DLGAP2: variants seen among roughly 807,000 people sequenced by gnomAD.
The protein encoded by DLGAP2 is disks large-associated protein 2.
DLGAP2 carries 26 observed loss-of-function variants against 100.3 expected under a neutral mutation model. That is an observed-to-expected ratio of 0.26 (90% CI 0.19 to 0.36). DLGAP2 has a LOEUF of 0.36. Among genes scored for constraint, DLGAP2 ranks in the 10% least tolerant of loss-of-function variants. The pLI, the probability that DLGAP2 is intolerant of heterozygous loss-of-function variation, is 1.00. For synonymous variants in DLGAP2, 886 were observed against 630.1 expected, an observed-to-expected ratio of 1.41 and a Z score of -6.08; for missense variants, 1,858 against 1,453.2, an observed-to-expected ratio of 1.28 and a Z score of -4.53.
chr8:1,565,976 G>C, intron 6 of DLGAP2, 82 bp downstream of exon 6: 2 of 1,214,228 alleles, frequency 1.6e-6, no homozygotes, highest in Non-Finnish European at 2.3e-6. Flanking sequence ...TTCACCGTGA[G>C]CTGAGTGCCA....
intron 2 of DLGAP2, among the ~76,000 whole-genome samples, chr8:1,179,967 G>A (rs1022678357): frequency 2.0e-5 from 3 of 152,184 alleles, no homozygotes; most frequent in African/African-American, 7.2e-5. Flanking sequence ...GCTTGTTTGA[G>A]TAAATGCAAT....
At chr8:1,427,762 T>C (rs1797277244) in intron 3 of DLGAP2, among the ~76,000 whole-genome samples, 3 of 152,208 alleles carry the variant, frequency 2.0e-5, no homozygotes, top group African/African-American at 7.2e-5. Flanking sequence ...CCCACCATGA[T>C]TGTGAGGCCT....
chr8:1,453,241 G>A (rs938745559), intron 3 of DLGAP2, among the ~76,000 whole-genome samples: 3 of 152,126 alleles, frequency 2.0e-5, no homozygotes, highest in Non-Finnish European at 4.4e-5. Flanking sequence ...ACGGAGACGG[G>A]AATGGGCCGT....
chr8:1,143,995 G>C (rs993054123), intron 2 of DLGAP2, among the ~76,000 whole-genome samples: 1 of 152,208 alleles, frequency 6.6e-6, no homozygotes, highest in African/African-American at 2.4e-5. Flanking sequence ...GGAATACCTG[G>C]AGTTAAGACC....
intron 1 of DLGAP2, among the ~76,000 whole-genome samples, chr8:747,241 T>TA (rs1465319631): frequency 2.0e-5 from 3 of 152,086 alleles, no homozygotes; most frequent in Non-Finnish European, 4.4e-5. Flanking sequence ...TTCTGAGTCT[T>TA]ACGGGACTTC....
chr8:1,181,484 G>C (rs1179233210), intron 2 of DLGAP2, among the ~76,000 whole-genome samples: 1 of 152,044 alleles, frequency 6.6e-6, no homozygotes, highest in Admixed American at 6.6e-5. Context: ...TCTAAGTGGA[G>C]CTGAATGAGG....
At chr8:1,517,871 A>AAGACAG (rs1337708707) in intron 4 of DLGAP2, among the ~76,000 whole-genome samples, 2 of 152,210 alleles carry the variant, frequency 1.3e-5, no homozygotes, top group Non-Finnish European at 2.9e-5. Flanking sequence ...GTCATGGAAT[A>AAGACAG]AGACAGAGAC....
At chr8:1,222,546 T>G (rs1034886156) in intron 2 of DLGAP2, among the ~76,000 whole-genome samples, 11 of 151,814 alleles carry the variant, frequency 7.2e-5, no homozygotes, top group African/African-American at 2.7e-4. Context: ...GGTAAGTACG[T>G]AAGTGCACAT....
Position 924,305 on chromosome 8 carries a change from C to T in DLGAP2, c.73+16339C>T, listed in dbSNP as rs547011256. On this transcript the variant is annotated intron_variant, in intron 2 of 14. Transcript: ENST00000637795. ...AGACAGTGAGGCCATCTCTGTCCTC[C>T]GGCTCACGTTTTTGGAGGCGAGAGG... is the stretch of plus-strand genomic sequence containing the variant. Among the ~76,000 whole-genome samples the T allele has an allele frequency of 9.9e-5, 15 of 152,276 alleles. No homozygotes were observed. In the South Asian group the frequency reaches 2.5e-3, roughly 25 times the overall value.
chr8:1,411,403 C>T (rs1225198435), intron 3 of DLGAP2, among the ~76,000 whole-genome samples: 2 of 152,218 alleles, frequency 1.3e-5, no homozygotes, highest in African/African-American at 2.4e-5. Flanking sequence ...CATAAAAGCA[C>T]GAAGGACTTG....
intron 3 of DLGAP2, among the ~76,000 whole-genome samples, chr8:1,307,076 A>G (rs1800508075): frequency 6.6e-6 from 1 of 152,212 alleles, no homozygotes. Flanking sequence ...ATTAAGGGAC[A>G]CTTTCAGCTG....
intron 1 of DLGAP2, among the ~76,000 whole-genome samples, chr8:772,960 C>A (rs559350503): frequency 6.6e-6 from 1 of 152,296 alleles, no homozygotes; most frequent in African/African-American, 2.4e-5. Flanking sequence ...TCAGCACACA[C>A]ACTCCATGCA....
rs144155510 is a variant in DLGAP2, at chr8:1,360,385, G to A, written c.106+101502G>A. ...GGTGCAGCTAGAGGCTTTGCGCTGC[G>A]TCTGTCTGAGCCTGTGTTGGAGTAG... On this transcript the variant is annotated intron_variant, in intron 3 of 14. Coordinates refer to ENST00000637795, the MANE Select transcript of DLGAP2 (RefSeq NM_001346810.2). 6.4e-4 allele frequency among the ~76,000 whole-genome samples: 97 copies of A among 152,228 alleles called. 1 individual carries two copies. Among genetic ancestry groups the A allele is most frequent in the East Asian group, 4.8e-3 (25 of 5,160 alleles).
chr8:945,276 C>T (rs1013850680), intron 2 of DLGAP2, among the ~76,000 whole-genome samples: 11 of 152,302 alleles, frequency 7.2e-5, no homozygotes, highest in African/African-American at 2.4e-4. Context: ...TGTCTATGTC[C>T]TCCCTCCTGG....
chr8:1,023,062 C>T (rs1046589252), intron 2 of DLGAP2, among the ~76,000 whole-genome samples: 28 of 152,212 alleles, frequency 1.8e-4, no homozygotes, highest in African/African-American at 6.0e-4. Flanking sequence ...AGCCACATGC[C>T]GTGTGTGATG....
intron 3 of DLGAP2, among the ~76,000 whole-genome samples, chr8:1,481,847 C>T (rs1473856053): frequency 6.6e-6 from 1 of 152,152 alleles, no homozygotes; most frequent in Admixed American, 6.5e-5. Context: ...CTTGGCTGGC[C>T]CAGAAAACTA....
chr8:1,547,021 A>G (rs943744728), intron 4 of DLGAP2, among the ~76,000 whole-genome samples: 6 of 151,996 alleles, frequency 3.9e-5, no homozygotes, highest in Non-Finnish European at 8.8e-5. Flanking sequence ...AGCAAGGCCG[A>G]GTGGTGTGGA....
chr8:1,367,068 C>G (rs1403419405), intron 3 of DLGAP2, among the ~76,000 whole-genome samples: 8 of 152,028 alleles, frequency 5.3e-5, no homozygotes, highest in Admixed American at 5.2e-4. Flanking sequence ...GTAAATAACA[C>G]TGTTAACATT....
intron 2 of DLGAP2, among the ~76,000 whole-genome samples, chr8:1,059,717 G>T (rs1435447400): frequency 6.6e-6 from 1 of 152,164 alleles, no homozygotes; most frequent in Admixed American, 6.5e-5. Flanking sequence ...CTTTGCTGTG[G>T]GAAGGCTGAG....
Sources: gnomAD v4.1 joint callset for allele counts (sites outside exome capture counted in the v4.1 genomes callset) on GRCh38, gnomAD v4.1.1 for gene constraint, MANE v1.5 for transcripts, NCBI Gene and HGNC (gene_info 2026-07-23, HGNC 2026-07-21) for gene names.